The following ACOT11 variants were observed in gnomAD, a reference collection of about 807,000 sequenced individuals.
The protein encoded by ACOT11 is acyl-coenzyme A thioesterase 11.
A neutral mutation model predicts 77.5 loss-of-function variants in ACOT11; 69 were observed. That is an observed-to-expected ratio of 0.89 (90% CI 0.73 to 1.09). ACOT11 has a LOEUF of 1.09. Ranked by LOEUF, ACOT11 falls within the 50% of genes least tolerant of loss-of-function variation. The probability of loss-of-function intolerance (pLI) is 0.00; values close to 1 mark genes in which losing one functional copy is unlikely to be tolerated. For synonymous variants in ACOT11, 279 were observed against 313.0 expected, an observed-to-expected ratio of 0.89 and a Z score of 1.15; for missense variants, 766 against 813.7, an observed-to-expected ratio of 0.94 and a Z score of 0.71.
At chr1:54,591,092 C>T (rs1359117392) in intron 3 of ACOT11, among the ~76,000 whole-genome samples, 3 of 152,150 alleles carry the variant, frequency 2.0e-5, no homozygotes, top group Admixed American at 1.3e-4. Context: ...AAGTGAGTTG[C>T]AGACATCGTG....
intron 3 of ACOT11, 92 bp from the exon 4 acceptor site, chr1:54,592,454 C>A: frequency 8.1e-7 from 1 of 1,241,310 alleles, no homozygotes. Flanking sequence ...ATCCTGCCAG[C>A]TCCCCGCAAG....
At chr1:54,589,318 T>G (rs1277494868) in intron 3 of ACOT11, among the ~76,000 whole-genome samples, 1 of 107,654 alleles carries the variant, frequency 9.3e-6, no homozygotes, top group African/African-American at 3.6e-5. Context: ...TGCCTGGCCC[T>G]TTTTTTTTTT....
chr1:54,592,874 C>T (rs904407720), intron 4 of ACOT11, among the ~76,000 whole-genome samples: 2 of 152,192 alleles, frequency 1.3e-5, no homozygotes, highest in African/African-American at 4.8e-5. Context: ...TGGGACTTGA[C>T]TTCCAGGCCC....
rs780238667 is a variant in ACOT11, at chr1:54,605,149, C to G, written c.1310C>G (p.Ala437Gly). ...HMEMVVHVDA[A>G]QAFLLLSDLR... ...GAGATGGTGGTGCATGTGGATGCAG[C>G]CCAGGCCTTCCTGCTGCTCTCGGAC... The change falls in exon 13 of 16, where the codon GCC becomes GGC. Residue 437 changes from alanine to glycine, a missense_variant. Physicochemically the swap from Ala to Gly is moderately conservative, Grantham distance 60. Coordinates refer to ENST00000343744, the MANE Select transcript of ACOT11 (RefSeq NM_147161.4). 1 of 1,613,946 alleles carries G rather than the reference C, an allele frequency of 6.2e-7. No individual in the cohort carries two copies. Among genetic ancestry groups the G allele is most frequent in the Admixed American group, 1.7e-5 (1 of 60,028 alleles).
chr1:54,614,084 C>T (rs547557795), downstream of ACOT11, among the ~76,000 whole-genome samples: 65 of 152,322 alleles, frequency 4.3e-4, no homozygotes, highest in South Asian at 1.9e-3. Context: ...ATTGAGCTTC[C>T]ACTATTGTCA....
chr1:54,562,332 C>T (rs1653543751), intron 1 of ACOT11, among the ~76,000 whole-genome samples: 1 of 100,128 alleles, frequency 1.0e-5, no homozygotes. Flanking sequence ...CCCCCCATCT[C>T]CCTCCCGGAC....
In ACOT11 at chr1:54,623,510, G is replaced by A. The variant is rs553069326; in HGVS notation, c.1630-7224G>A. 5.7e-5 allele frequency: 44 copies of A among 770,074 alleles called. No homozygotes were observed. In the East Asian group the frequency reaches 8.1e-4, roughly 14 times the overall value. The allele number at this position is 770,074 out of a possible 1,614,324, so 47.7% of individuals were successfully genotyped here. On this transcript the variant is annotated intron_variant, in intron 15 of 16. Coordinates refer to the ACOT11 transcript ENST00000371316. ...TCCCAGCAGCACCTAATTCTCCACCGGGCCTGGTCTGCTCTGCAGCCCTGT... is the reference window on the plus strand; with the variant it reads ...TCCCAGCAGCACCTAATTCTCCACCAGGCCTGGTCTGCTCTGCAGCCCTGT...
At position 54,589,338 on chromosome 1, in the gene ACOT11, T is replaced by TTTTG. The variant is rs1553163551; in HGVS notation, c.312-3208_312-3207insTTTG. 1.5e-4 allele frequency among the ~76,000 whole-genome samples: 22 copies of TTTTG among 146,822 alleles called. 2 individuals are homozygous for TTTTG. Among genetic ancestry groups the TTTTG allele is most frequent in the Admixed American group, 4.1e-4 (6 of 14,548 alleles). ...GGCCCTTTTTTTTTTTTTTTTTTTT[T>TTTTG]AGAGAAGGATTCTTTTTAAACACAA... On this transcript the variant is annotated intron_variant, in intron 3 of 15. Transcript: ENST00000343744.
At chr1:54,612,473 T>C (rs552242294), downstream of ACOT11, 1 of 1,604,682 alleles carries the variant, frequency 6.2e-7, no homozygotes, top group East Asian at 2.2e-5. Context: ...GGGGTGGGTT[T>C]GGTGGTTTTC....
chr1:54,622,094 T>C (rs1482930642), intron 15 of ACOT11, among the ~76,000 whole-genome samples: 1 of 149,088 alleles, frequency 6.7e-6, no homozygotes, highest in African/African-American at 2.5e-5. Context: ...GCCAACATGG[T>C]GAAACCCCGT....
At chr1:54,568,923 T>C (rs1173275970) in intron 1 of ACOT11, among the ~76,000 whole-genome samples, 6 of 151,620 alleles carry the variant, frequency 4.0e-5, no homozygotes, top group Non-Finnish European at 8.8e-5. Flanking sequence ...CTGGGCAACA[T>C]GGCAAGACCC....
At chr1:54,559,490 T>C (rs1482035566) in intron 1 of ACOT11, among the ~76,000 whole-genome samples, 1 of 152,244 alleles carries the variant, frequency 6.6e-6, no homozygotes, top group Non-Finnish European at 1.5e-5. Flanking sequence ...TTTCCTAATA[T>C]GAACCAGTTC....
Position 54,609,428 on chromosome 1 carries a change from G to A in ACOT11, c.*316G>A. On this transcript the variant is annotated 3_prime_UTR_variant, in exon 16 of 16. Coordinates refer to ENST00000343744, the MANE Select transcript of ACOT11 (RefSeq NM_147161.4). Reference sequence around the variant, plus strand: ...GTGCTCCACTGTGACGGTGGCCCGGGGGGAGGATGCCAGCAGCCTGCCTAT... The same window carrying A: ...GTGCTCCACTGTGACGGTGGCCCGGAGGGAGGATGCCAGCAGCCTGCCTAT... The A allele has an allele frequency of 6.2e-7, 1 of 1,613,892 alleles. No individual in the cohort carries two copies. Among genetic ancestry groups the A allele is most frequent in the South Asian group, 1.1e-5 (1 of 91,092 alleles).
At chr1:54,571,624 A>G (rs747798049) in intron 1 of ACOT11, among the ~76,000 whole-genome samples, 5 of 152,224 alleles carry the variant, frequency 3.3e-5, no homozygotes, top group Non-Finnish European at 7.3e-5. Flanking sequence ...CAACACCTGC[A>G]GTGTAAGGGC....
At position 54,607,383 on chromosome 1, in the gene ACOT11, G is replaced by A. The variant is rs1644040128; in HGVS notation, c.1502+118G>A. On this transcript the variant is annotated intron_variant, in intron 14 of 15. Coordinates refer to ENST00000343744, the MANE Select transcript of ACOT11 (RefSeq NM_147161.4). This position sits in a 1 kb window ranked among gnomAD's most constrained non-coding sequence, Gnocchi z 4.5. ...GCCAGAGCTCTGCTTCCCATTGGCTGTGGGGCCCCAGGCACCACTAGACTT... is the reference window on the plus strand; with the variant it reads ...GCCAGAGCTCTGCTTCCCATTGGCTATGGGGCCCCAGGCACCACTAGACTT... 3.3e-6 allele frequency: 5 copies of A among 1,510,002 alleles called. No homozygotes were observed. Among genetic ancestry groups the A allele is most frequent in the Non-Finnish European group, 4.5e-6 (5 of 1,117,394 alleles). 93.5% of individuals were successfully genotyped at this position (1,510,002 alleles called of 1,614,324 possible).
chr1:54,549,759 G>A (rs1186847860), intron 1 of ACOT11, among the ~76,000 whole-genome samples: 2 of 152,242 alleles, frequency 1.3e-5, no homozygotes, highest in Admixed American at 1.3e-4. Context: ...GGGACAGGCA[G>A]CTTTTCAGCA....
intron 4 of ACOT11, among the ~76,000 whole-genome samples, chr1:54,593,460 T>G (rs1297433017): frequency 3.4e-5 from 1 of 29,308 alleles, no homozygotes; most frequent in Middle Eastern, 0.011. Context: ...TGTGTGTGGT[T>G]TTTTTTTTTT....
At position 54,601,264 on chromosome 1, in the gene ACOT11, C is replaced by T; in HGVS notation, c.885-5C>T. 1 of 1,609,394 alleles carries T rather than the reference C, an allele frequency of 6.2e-7. No individual in the cohort carries two copies. The highest frequency in any genetic ancestry group is 2.2e-5 in the East Asian group (1 of 44,884). On this transcript the variant is annotated splice_region_variant and splice_polypyrimidine_tract_variant and intron_variant, in intron 8 of 15. Coordinates refer to ENST00000343744, the MANE Select transcript of ACOT11 (RefSeq NM_147161.4). ...CAGGTTGGAAGCCACACTCCCTCCC[C>T]TCAGCATGGAGGTGGGCGTGTGCGT...
chr1:54,623,462 G>A, intron 15 of ACOT11: 1 of 1,213,070 alleles, frequency 8.2e-7, no homozygotes, highest in Non-Finnish European at 1.2e-6. Flanking sequence ...CCCTGCAGCT[G>A]GAATCCTGTG....
Sources: gnomAD v4.1 joint callset for allele counts (sites outside exome capture counted in the v4.1 genomes callset) on GRCh38, gnomAD v4.1.1 for gene constraint, Gnocchi (gnomAD v3.1) non-coding constraint, MANE v1.5 for transcripts, NCBI Gene and HGNC (gene_info 2026-07-23, HGNC 2026-07-21) for gene names.